KIAA1217: variants seen among roughly 807,000 people sequenced by gnomAD.
KIAA1217 encodes the protein sickle tail protein homolog.
KIAA1217 carries 88 observed loss-of-function variants against 163.9 expected under a neutral mutation model. That is an observed-to-expected ratio of 0.54 (90% CI 0.45 to 0.64). KIAA1217 has a LOEUF of 0.64. Ranked by LOEUF, KIAA1217 falls within the 30% of genes least tolerant of loss-of-function variation. The pLI is 0.00. For synonymous variants in KIAA1217, 903 were observed against 923.1 expected (o/e 0.98, Z 0.39); for missense variants, 2,372 against 2,475.0 (o/e 0.96, Z 0.88).
intron 1 of KIAA1217, among the ~76,000 whole-genome samples, chr10:23,969,179 C>T (rs564370190): frequency 1.3e-5 from 2 of 152,254 alleles, no homozygotes; most frequent in South Asian, 4.2e-4. Flanking sequence ...GGATTACAGG[C>T]ACGCGCCACT....
intron 1 of KIAA1217, among the ~76,000 whole-genome samples, chr10:23,840,218 C>T (rs1056192525): frequency 4.0e-5 from 6 of 151,336 alleles, no homozygotes; most frequent in African/African-American, 1.2e-4. Context: ...TGCAATGGTA[C>T]GATCTTGGCT....
chr10:24,457,100 G>A (rs61848142), intron 5 of KIAA1217, among the ~76,000 whole-genome samples: 2,134 of 152,206 alleles, frequency 0.014, 27 homozygotes, highest in South Asian at 0.023. Flanking sequence ...GTGTCTTGCT[G>A]CCTTAATTTT....
intron 2 of KIAA1217, among the ~76,000 whole-genome samples, chr10:24,248,670 C>CAAAAA (rs929995548): frequency 0.01 from 382 of 36,452 alleles, 32 homozygotes; most frequent in African/African-American, 0.037. Context: ...GACTCCATCT[C>CAAAAA]AAAAAAAAAA....
intron 1 of KIAA1217, among the ~76,000 whole-genome samples, chr10:23,933,471 T>C (rs992724493): frequency 2.0e-5 from 3 of 152,172 alleles, no homozygotes; most frequent in East Asian, 1.9e-4. Flanking sequence ...CTTTTAATGA[T>C]CACTAAGTTT....
At chr10:23,862,050 T>C (rs996747669) in intron 1 of KIAA1217, among the ~76,000 whole-genome samples, 1 of 152,230 alleles carries the variant, frequency 6.6e-6, no homozygotes, top group African/African-American at 2.4e-5. Flanking sequence ...ATTGTGAAGA[T>C]GAAACATCTT....
intron 1 of KIAA1217, among the ~76,000 whole-genome samples, chr10:23,940,562 G>A (rs10828576): frequency 0.17 from 24,983 of 150,350 alleles, 4,574 homozygotes; most frequent in African/African-American, 0.46. Flanking sequence ...AAGTATGTAA[G>A]ACTTAAACAA....
At chr10:23,698,158 GC>G (rs1221825718) in intron 1 of KIAA1217, among the ~76,000 whole-genome samples, 3 of 152,104 alleles carry the variant, frequency 2.0e-5, no homozygotes, top group African/African-American at 4.8e-5. Flanking sequence ...TTTGTTTGGG[GC>G]TTTGTATTCT....
chr10:24,201,244 T>A (rs2067241363), intron 2 of KIAA1217, among the ~76,000 whole-genome samples: 1 of 152,108 alleles, frequency 6.6e-6, no homozygotes. Flanking sequence ...GTGCTCCAGC[T>A]TGGGTGACAG....
At chr10:24,363,862 G>A (rs553215261) in intron 2 of KIAA1217, among the ~76,000 whole-genome samples, 17 of 152,132 alleles carry the variant, frequency 1.1e-4, no homozygotes, top group South Asian at 4.2e-4. Flanking sequence ...ATGGGCCACC[G>A]CACCAGGCCC....
chr10:24,491,393 G>A (rs189511786), intron 6 of KIAA1217, among the ~76,000 whole-genome samples: 1 of 146,758 alleles, frequency 6.8e-6, no homozygotes, highest in Admixed American at 7.0e-5. Flanking sequence ...GGGTTCAAGT[G>A]ATTCTCCTGC....
chr10:24,457,360 G>GTGTGTGTGTGTGTGTT lies in KIAA1217; in HGVS notation c.847-15865_847-15864insGTGTGTGTGTGTTTGT, dbSNP rs774686589. ...TTTTTTGTTTTGTGTGTGTGTGTGT[G>GTGTGTGTGTGTGTGTT]TGTATGTGTGTGTGGGTGGCGGGGT... On this transcript the variant is annotated intron_variant, in intron 5 of 20. Transcript: ENST00000376454. Among the ~76,000 whole-genome samples, 659 of 151,652 alleles carry GTGTGTGTGTGTGTGTT rather than the reference G, an allele frequency of 4.3e-3. 2 individuals are homozygous for GTGTGTGTGTGTGTGTT. The highest frequency in any genetic ancestry group is 0.013 in the South Asian group (63 of 4,790).
chr10:23,967,455 ATAGAAGTGC>A (rs1264063600), intron 1 of KIAA1217, among the ~76,000 whole-genome samples: 2 of 152,210 alleles, frequency 1.3e-5, no homozygotes, highest in Non-Finnish European at 2.9e-5. Flanking sequence ...TAGAAAAATA[ATAGAAGTGC>A]AAGAAGTCCA....
intron 2 of KIAA1217, among the ~76,000 whole-genome samples, chr10:24,267,974 C>A (rs1376965752): frequency 6.6e-6 from 1 of 152,190 alleles, no homozygotes; most frequent in African/African-American, 2.4e-5. Flanking sequence ...CTTCTGATGA[C>A]CCTGTAATTG....
At chr10:23,813,038 C>T (rs780459158) in intron 1 of KIAA1217, among the ~76,000 whole-genome samples, 2 of 151,970 alleles carry the variant, frequency 1.3e-5, no homozygotes, top group Non-Finnish European at 2.9e-5. Context: ...GAGGCTACAC[C>T]ATGTTACATG....
At chr10:24,404,803 G>A (rs1046943100) in intron 3 of KIAA1217, among the ~76,000 whole-genome samples, 7 of 152,084 alleles carry the variant, frequency 4.6e-5, no homozygotes, top group Admixed American at 2.0e-4. Context: ...ATACTACTCT[G>A]CAACAAGGGA....
Position 24,404,419 on chromosome 10 carries a change from C to T in KIAA1217, c.553+23352C>T, listed in dbSNP as rs149105371. Among the ~76,000 whole-genome samples the T allele has an allele frequency of 5.8e-3, 876 of 151,906 alleles. 22 individuals carry two copies. The East Asian group carries it at 0.077, about 13-fold the overall frequency. ...CTGTCTCTACTAAAAATACAAAAATCAGCCAGGCATGGTGGTGTGTGCCTA... is the reference window on the plus strand; with the variant it reads ...CTGTCTCTACTAAAAATACAAAAATTAGCCAGGCATGGTGGTGTGTGCCTA... On this transcript the variant is annotated intron_variant, in intron 3 of 20. Transcript: ENST00000376454.
chr10:24,124,191 A>C (rs2063385735), intron 2 of KIAA1217, among the ~76,000 whole-genome samples: 1 of 152,048 alleles, frequency 6.6e-6, no homozygotes, highest in African/African-American at 2.4e-5. Context: ...TTTCTAAATG[A>C]GATCTTTATC....
At chr10:24,102,874 C>A (rs1294649165) in intron 2 of KIAA1217, among the ~76,000 whole-genome samples, 1 of 152,110 alleles carries the variant, frequency 6.6e-6, no homozygotes, top group African/African-American at 2.4e-5. Context: ...GTGGGAAGGT[C>A]CTGGTGGGAG....
intron 2 of KIAA1217, among the ~76,000 whole-genome samples, chr10:24,337,705 G>T (rs7905828): frequency 6.9e-6 from 1 of 144,258 alleles, no homozygotes; most frequent in East Asian, 2.1e-4. Context: ...GTACAGTGGC[G>T]CAATCTCCAC....
Sources: allele counts gnomAD v4.1 joint callset (sites outside exome capture counted in the v4.1 genomes callset), GRCh38; gene constraint gnomAD v4.1.1; transcripts MANE v1.5; gene names NCBI Gene and HGNC (gene_info 2026-07-23, HGNC 2026-07-21).